SORBS2: variants seen among roughly 807,000 people sequenced by gnomAD.
SORBS2 encodes sorbin and SH3 domain-containing protein 2.
In SORBS2, 46 loss-of-function variants were observed where a neutral mutation model predicts 97.7. The observed-to-expected ratio is 0.47, with a 90% confidence interval of 0.37 to 0.60. SORBS2 has a LOEUF of 0.60. Among genes scored for constraint, SORBS2 ranks in the 20% least tolerant of loss-of-function variants. SORBS2 has a pLI of 0.00. For synonymous variants in SORBS2, 476 were observed against 473.4 expected, an observed-to-expected ratio of 1.01 and a Z score of -0.07; for missense variants, 1,316 against 1,282.3, an observed-to-expected ratio of 1.03 and a Z score of -0.40.
chr4:185,765,513 G>A (rs2098929416), intron 2 of SORBS2, among the ~76,000 whole-genome samples: 1 of 151,878 alleles, frequency 6.6e-6, no homozygotes, highest in African/African-American at 2.4e-5. Context: ...AATTGTAAGG[G>A]GATAAAAATC....
At chr4:185,823,440 A>T (rs538256473) in intron 1 of SORBS2, among the ~76,000 whole-genome samples, 2 of 152,208 alleles carry the variant, frequency 1.3e-5, no homozygotes. Flanking sequence ...CAGGAGGTAC[A>T]CTCAACAATA....
At chr4:185,899,207 G>T (rs947053936) in intron 1 of SORBS2, among the ~76,000 whole-genome samples, 1 of 152,096 alleles carries the variant, frequency 6.6e-6, no homozygotes, top group African/African-American at 2.4e-5. Context: ...GAAGCACCAG[G>T]TCCGGTCTAG....
In SORBS2 at chr4:185,809,455, C is replaced by CAAAAAAAAAAAAAAAAAAAAAA. The variant is rs55713465; in HGVS notation, c.-337-34111_-337-34090dup. Among the ~76,000 whole-genome samples the CAAAAAAAAAAAAAAAAAAAAAA allele has an allele frequency of 1.5e-4, 7 of 47,290 alleles. 2 individuals are homozygous for CAAAAAAAAAAAAAAAAAAAAAA. The highest frequency in any genetic ancestry group is 4.3e-4 in the African/African-American group (5 of 11,560). The allele number at this position is 47,290 out of a possible 152,430, so 31.0% of individuals were successfully genotyped here. A position where few individuals can be genotyped will look rare whatever the true frequency, so the allele number is the denominator to read the frequency against. On this transcript the variant is annotated intron_variant, in intron 1 of 20. Transcript: ENST00000284776. ...GACTCTTCAGGGGGCACTGCATTTG[C>CAAAAAAAAAAAAAAAAAAAAAA]AAAAAAAAAAAAAAAAAAAAAAAAA...
chr4:185,808,896 A>C (rs1374662276), intron 1 of SORBS2, among the ~76,000 whole-genome samples: 3 of 152,332 alleles, frequency 2.0e-5, no homozygotes, highest in Admixed American at 2.0e-4. Context: ...TACATTTTAT[A>C]ATAGCCATGG....
At chr4:185,769,585 G>A (rs1382311138) in intron 2 of SORBS2, among the ~76,000 whole-genome samples, 2 of 152,116 alleles carry the variant, frequency 1.3e-5, no homozygotes, top group Non-Finnish European at 2.9e-5. Context: ...GTGCCTCCCG[G>A]GTTCAAGCAA....
At chr4:185,691,255 G>A (rs1033927350) in intron 2 of SORBS2, among the ~76,000 whole-genome samples, 1 of 151,958 alleles carries the variant, frequency 6.6e-6, no homozygotes, top group African/African-American at 2.4e-5. Flanking sequence ...CTGGAGTGCA[G>A]TTGGTGTGAT....
At chr4:185,655,781 G>A (rs1016370703) in intron 1 of SORBS2, among the ~76,000 whole-genome samples, 1 of 152,146 alleles carries the variant, frequency 6.6e-6, no homozygotes, top group African/African-American at 2.4e-5. Context: ...ACCAGGCAAA[G>A]TCTGGTTAGT....
At chr4:185,917,936 T>C (rs1440274043) in intron 1 of SORBS2, among the ~76,000 whole-genome samples, 2 of 152,186 alleles carry the variant, frequency 1.3e-5, no homozygotes, top group African/African-American at 4.8e-5. Flanking sequence ...CTGTCAACGA[T>C]AGAACGGGTC....
At chr4:185,953,031 C>A (rs540700208) in intron 1 of SORBS2, among the ~76,000 whole-genome samples, 1 of 152,252 alleles carries the variant, frequency 6.6e-6, no homozygotes, top group African/African-American at 2.4e-5. Context: ...AAATGTTTCC[C>A]AGGCCGGGCG....
intron 2 of SORBS2, among the ~76,000 whole-genome samples, chr4:185,765,543 T>C (rs1273291758): frequency 6.6e-6 from 1 of 152,218 alleles, no homozygotes; most frequent in Non-Finnish European, 1.5e-5. Flanking sequence ...TCAAGCTTTC[T>C]CACCTTTGCA....
intron 1 of SORBS2, among the ~76,000 whole-genome samples, chr4:185,947,264 CA>C (rs1437381318): frequency 6.6e-6 from 1 of 152,210 alleles, no homozygotes; most frequent in African/African-American, 2.4e-5. Flanking sequence ...GTACTATAGT[CA>C]GGGAAATCTC....
chr4:185,934,488 C>T (rs866400052), intron 1 of SORBS2, among the ~76,000 whole-genome samples: 4 of 152,048 alleles, frequency 2.6e-5, no homozygotes, highest in African/African-American at 9.7e-5. Flanking sequence ...TGGTCAATCA[C>T]GGTGGCTCAC....
chr4:185,711,255 T>A (rs1289209150), intron 2 of SORBS2, among the ~76,000 whole-genome samples: 1 of 152,150 alleles, frequency 6.6e-6, no homozygotes, highest in African/African-American at 2.4e-5. Context: ...CCTCTCAAAG[T>A]GCTGGGATGA....
intron 1 of SORBS2, among the ~76,000 whole-genome samples, chr4:185,817,918 A>G (rs4861682): frequency 0.57 from 86,977 of 152,040 alleles, 25,229 homozygotes; most frequent in Non-Finnish European, 0.6. Context: ...GGTCAAGATA[A>G]TAAGATGGGC....
At chr4:185,746,237 T>C (rs78215118) in intron 2 of SORBS2, among the ~76,000 whole-genome samples, 7,683 of 152,208 alleles carry the variant, frequency 0.05, 230 homozygotes, top group Middle Eastern at 0.11. Context: ...GAAGGCATGG[T>C]TTCAGGGGTG....
chr4:185,752,719 T>A (rs911838957), intron 2 of SORBS2, among the ~76,000 whole-genome samples: 1 of 152,142 alleles, frequency 6.6e-6, no homozygotes, highest in Non-Finnish European at 1.5e-5. Flanking sequence ...ATAGAATAAG[T>A]GGAAAATAAC....
At chr4:185,661,849 T>G (rs2097527496), upstream of SORBS2, among the ~76,000 whole-genome samples, 1 of 152,222 alleles carries the variant, frequency 6.6e-6, no homozygotes, top group East Asian at 1.9e-4. Context: ...AGTAGCCATT[T>G]TCTTTTTCTT....
chr4:185,595,247 A>C (rs1306640465), intron 12 of SORBS2, among the ~76,000 whole-genome samples: 5 of 152,218 alleles, frequency 3.3e-5, no homozygotes, highest in Admixed American at 1.3e-4. Context: ...TTCACTCAAC[A>C]GTCTGTGGAT....
chr4:185,847,590 G>A (rs544875617), intron 1 of SORBS2, among the ~76,000 whole-genome samples: 1 of 152,272 alleles, frequency 6.6e-6, no homozygotes, highest in South Asian at 2.1e-4. Flanking sequence ...GGATGAGTAA[G>A]CGACATATGG....
Sources: allele counts gnomAD v4.1 joint callset (sites outside exome capture counted in the v4.1 genomes callset), GRCh38; gene constraint gnomAD v4.1.1; transcripts MANE v1.5; gene names NCBI Gene and HGNC (gene_info 2026-07-23, HGNC 2026-07-21).